NEURL1B: variants seen among roughly 807,000 people sequenced by gnomAD.
NEURL1B encodes E3 ubiquitin-protein ligase NEURL1B.
NEURL1B carries 13 observed loss-of-function variants against 37.4 expected under a neutral mutation model. The ratio of observed to expected loss-of-function variants is 0.35; its 90% CI spans 0.23 to 0.55. NEURL1B has a LOEUF of 0.55. Among genes scored for constraint, NEURL1B ranks in the 20% least tolerant of loss-of-function variants. The pLI is 0.89. For missense variants in NEURL1B, 790 were observed against 879.2 expected, an observed-to-expected ratio of 0.90 and a Z score of 1.28; for synonymous variants, 432 against 426.6, an observed-to-expected ratio of 1.01 and a Z score of -0.16.
intron 1 of NEURL1B, among the ~76,000 whole-genome samples, chr5:172,659,905 GAGA>G (rs1381272343): frequency 6.6e-6 from 1 of 152,134 alleles, no homozygotes; most frequent in Non-Finnish European, 1.5e-5. Context: ...CAGCTCCCCT[GAGA>G]AGCTGTCGCC....
intron 1 of NEURL1B, among the ~76,000 whole-genome samples, chr5:172,645,016 A>T (rs1378163957): frequency 6.6e-6 from 1 of 152,166 alleles, no homozygotes; most frequent in African/African-American, 2.4e-5. Flanking sequence ...TTCATCATTA[A>T]GTTGGCCCAC....
intron 2 of NEURL1B, among the ~76,000 whole-genome samples, chr5:172,674,143 A>C (rs1217235147): frequency 6.6e-6 from 1 of 151,404 alleles, no homozygotes; most frequent in East Asian, 1.9e-4. Flanking sequence ...CCATCTCAAA[A>C]AAAAAAAATT....
In NEURL1B at chr5:172,661,246, G is replaced by A. The variant is rs1757895572; in HGVS notation, c.32-8539G>A. On this transcript the variant is annotated intron_variant, in intron 1 of 4. Coordinates refer to ENST00000369800, the MANE Select transcript of NEURL1B (RefSeq NM_001142651.3). The surrounding 1 kb of genome is among the most constrained non-coding windows in gnomAD (Gnocchi z 4.0). Reference sequence around the variant, plus strand: ...AAAGGTCCAGGTCCAGGAAGCCCCTGAAGTTGAATATCAGATTGTGCATGG... The same window carrying A: ...AAAGGTCCAGGTCCAGGAAGCCCCTAAAGTTGAATATCAGATTGTGCATGG... 1.3e-5 allele frequency among the ~76,000 whole-genome samples: 2 copies of A among 152,194 alleles called. No homozygotes were observed. Among genetic ancestry groups the A allele is most frequent in the Non-Finnish European group, 2.9e-5 (2 of 68,042 alleles).
In NEURL1B at chr5:172,686,002, C is replaced by T. The variant is rs1248228619; in HGVS notation, c.1298-169C>T. Among the ~76,000 whole-genome samples the T allele has an allele frequency of 6.6e-6, 1 of 152,176 alleles. No individual in the cohort carries two copies. The highest frequency in any genetic ancestry group is 1.5e-5 in the Non-Finnish European group (1 of 68,020). Reference sequence around the variant, plus strand: ...GAATAGAGGCCTGGTAGACAAAGAACAGAGGCACCACACTGGGATGCACTC... The same window carrying T: ...GAATAGAGGCCTGGTAGACAAAGAATAGAGGCACCACACTGGGATGCACTC... On this transcript the variant is annotated intron_variant, in intron 3 of 4. Coordinates refer to ENST00000369800, the MANE Select transcript of NEURL1B (RefSeq NM_001142651.3). This position sits in a 1 kb window ranked among gnomAD's most constrained non-coding sequence, Gnocchi z 7.9.
chr5:172,690,400 A>G lies in NEURL1B; in HGVS notation c.*3475A>G, dbSNP rs968154267. On this transcript the variant is annotated 3_prime_UTR_variant, in exon 5 of 5. Transcript: ENST00000369800. ...CCCCCGGTGCTGGTCCTGTGCCAGCACGTAGTAGTTACTCAGTAGAGGTTT... is the reference window on the plus strand; with the variant it reads ...CCCCCGGTGCTGGTCCTGTGCCAGCGCGTAGTAGTTACTCAGTAGAGGTTT... 1 of 152,226 alleles carries G rather than the reference A, an allele frequency of 6.6e-6. No homozygotes were observed. The highest frequency in any genetic ancestry group is 2.4e-5 in the African/African-American group (1 of 41,448). 9.4% of individuals were successfully genotyped at this position (152,226 alleles called of 1,614,324 possible).
At chr5:172,664,117 T>C (rs1757960537) in intron 1 of NEURL1B, among the ~76,000 whole-genome samples, 1 of 152,122 alleles carries the variant, frequency 6.6e-6, no homozygotes, top group Admixed American at 6.5e-5. Flanking sequence ...CTGTGCACTC[T>C]GATGGTAAGA....
chr5:172,645,361 CT>C (rs936125303), intron 1 of NEURL1B, among the ~76,000 whole-genome samples: 3 of 152,234 alleles, frequency 2.0e-5, no homozygotes, highest in African/African-American at 7.2e-5. Flanking sequence ...TTGCAGAGCC[CT>C]TTTCTCTTTT....
intron 1 of NEURL1B, among the ~76,000 whole-genome samples, chr5:172,669,212 C>G (rs1758073076): frequency 6.6e-6 from 1 of 152,156 alleles, no homozygotes; most frequent in Non-Finnish European, 1.5e-5. Flanking sequence ...CAAGTCTGCC[C>G]CATACCTCCC....
intron 3 of NEURL1B, 86 bp downstream of exon 3, chr5:172,684,224 C>T: frequency 1.8e-6 from 2 of 1,100,146 alleles, no homozygotes; most frequent in Non-Finnish European, 2.3e-6. Flanking sequence ...CCCGGCCCCG[C>T]CCCTCTCGCT....
chr5:172,656,259 C>T lies in NEURL1B; in HGVS notation c.32-13526C>T, dbSNP rs1390828373. ...AATGAGTTAGGGTGAAGCAGGTAATCGGAACGAATTAGAGTGGAGCGGGTG... is the reference window on the plus strand; with the variant it reads ...AATGAGTTAGGGTGAAGCAGGTAATTGGAACGAATTAGAGTGGAGCGGGTG... On this transcript the variant is annotated intron_variant, in intron 1 of 4. Coordinates refer to ENST00000369800, the MANE Select transcript of NEURL1B (RefSeq NM_001142651.3). 4.6e-5 allele frequency among the ~76,000 whole-genome samples: 7 copies of T among 152,004 alleles called. 1 individual carries two copies. The highest frequency in any genetic ancestry group is 7.3e-5 in the African/African-American group (3 of 41,358).
At chr5:172,669,468 G>A (rs1758076310) in intron 1 of NEURL1B, among the ~76,000 whole-genome samples, 2 of 152,082 alleles carry the variant, frequency 1.3e-5, no homozygotes, top group Admixed American at 1.3e-4. Context: ...GGATGGAGAA[G>A]TTATTTGGCC....
At position 172,684,181 on chromosome 5, in the gene NEURL1B, C is replaced by T. The variant is rs1758433769; in HGVS notation, c.1297+43C>T. ...CGTGCGCGAGGCCCCGCCCCTCCCC[C>T]GTCCCGTGCCGTCTCACCCCGCTGC... On this transcript the variant is annotated intron_variant, in intron 3 of 4. Transcript: ENST00000369800. 5 of 1,196,088 alleles carry T rather than the reference C, an allele frequency of 4.2e-6. No individual in the cohort carries two copies. The South Asian group carries it at 1.2e-4, about 28-fold the overall frequency. 74.1% of individuals were successfully genotyped at this position (1,196,088 alleles called of 1,614,324 possible). A position where few individuals can be genotyped will look rare whatever the true frequency, so the allele number is the denominator to read the frequency against.
chr5:172,682,857 C>A (rs1421923280), intron 2 of NEURL1B, among the ~76,000 whole-genome samples: 1 of 152,186 alleles, frequency 6.6e-6, no homozygotes, highest in Non-Finnish European at 1.5e-5. Context: ...TTCCCCAACC[C>A]CTCTGTGCCT....
rs528666043 is a variant in NEURL1B, at chr5:172,661,298, C to T, written c.32-8487C>T. Among the ~76,000 whole-genome samples the T allele has an allele frequency of 1.3e-5, 2 of 152,156 alleles. No homozygotes were observed. Among genetic ancestry groups the T allele is most frequent in the African/African-American group, 4.8e-5 (2 of 41,504 alleles). ...GTCTGGGTATGTTTCTGGGGGGAAA[C>T]CCTGAAGTTGAATATCAGATTGTGC... is the stretch of plus-strand genomic sequence containing the variant. On this transcript the variant is annotated intron_variant, in intron 1 of 4. Transcript: ENST00000369800. This position sits in a 1 kb window ranked among gnomAD's most constrained non-coding sequence, Gnocchi z 4.0.
chr5:172,658,947 T>C (rs1757843158), intron 1 of NEURL1B, among the ~76,000 whole-genome samples: 1 of 152,068 alleles, frequency 6.6e-6, no homozygotes, highest in Non-Finnish European at 1.5e-5. Flanking sequence ...ATGCTTTGCT[T>C]ATTGTTCGTC....
Position 172,669,789 on chromosome 5 carries a change from G to C in NEURL1B, c.36G>C (p.Pro12=). 1 of 1,266,664 alleles carries C rather than the reference G, an allele frequency of 7.9e-7. No individual in the cohort carries two copies. Among genetic ancestry groups the C allele is most frequent in the Non-Finnish European group, 1.0e-6 (1 of 997,940 alleles). 78.5% of individuals were successfully genotyped at this position (1,266,664 alleles called of 1,614,324 possible). Residue 12 remains proline, a synonymous_variant, in exon 2 of 5, where the codon CCG becomes CCC. Transcript: ENST00000369800. ...GCTGCCTGTGTCTTTCCGCAGACCC[G>C]AGCCCACCGGCGCGCCTCCTGGCCA... ...GNTVHRTLPD[P]SPPARLLATR...
chr5:172,671,886 C>A (rs1256652318), intron 2 of NEURL1B, among the ~76,000 whole-genome samples: 1 of 152,258 alleles, frequency 6.6e-6, no homozygotes, highest in African/African-American at 2.4e-5. Context: ...TCTGAGTGGT[C>A]AAGAGCAGGG....
rs2113339950 is a variant in NEURL1B at position 172,686,399 on chromosome 5, C to A, written c.1423+103C>A. 1 of 1,221,432 alleles carries A rather than the reference C, an allele frequency of 8.2e-7. No individual in the cohort carries two copies. Among genetic ancestry groups the A allele is most frequent in the Non-Finnish European group, 1.1e-6 (1 of 871,622 alleles). 75.7% of individuals were successfully genotyped at this position (1,221,432 alleles called of 1,614,324 possible). A position where few individuals can be genotyped will look rare whatever the true frequency, so the allele number is the denominator to read the frequency against. On this transcript the variant is annotated intron_variant, in intron 4 of 4. Transcript: ENST00000369800. The surrounding 1 kb of genome is among the most constrained non-coding windows in gnomAD (Gnocchi z 7.9). ...GGGACTGAGCAGGGTGGCCGCCTTT[C>A]CCCCGCATCCTCTCCTTCCCTCAGC...
chr5:172,642,130 A>G (rs939462898), intron 1 of NEURL1B, among the ~76,000 whole-genome samples: 2 of 152,214 alleles, frequency 1.3e-5, no homozygotes, highest in Non-Finnish European at 2.9e-5. Context: ...ATACATGGTA[A>G]TTGTGGGAAC....
Sources: gnomAD v4.1 joint callset for allele counts (sites outside exome capture counted in the v4.1 genomes callset) on GRCh38, gnomAD v4.1.1 for gene constraint, Gnocchi (gnomAD v3.1) non-coding constraint, MANE v1.5 for transcripts, NCBI Gene and HGNC (gene_info 2026-07-23, HGNC 2026-07-21) for gene names.